Variants in WNK2 observed in about 807,000 individuals in gnomAD.
WNK2 encodes the protein WNK lysine deficient protein kinase 2.
Under a neutral mutation model 192.1 loss-of-function variants are expected in WNK2, and 67 were observed. The ratio of observed to expected loss-of-function variants is 0.35; its 90% CI spans 0.29 to 0.43. The LOEUF (loss-of-function observed/expected upper bound fraction) is 0.43, where lower values mean the gene tolerates loss of function less well. Among genes scored for constraint, WNK2 ranks in the 20% least tolerant of loss-of-function variants. WNK2 has a pLI of 1.00. For synonymous variants in WNK2, 1,439 were observed against 1,393.9 expected (o/e 1.03, Z -0.72); for missense variants, 2,698 against 3,089.7 (o/e 0.87, Z 3.01).
chr9:93,318,410 T>G lies in WNK2; in HGVS notation c.6628+779T>G, dbSNP rs766468316. On this transcript the variant is annotated intron_variant, in intron 29 of 29. Transcript: ENST00000427277. ...CGGTTCCCTGGGCTCATCCAGGGGC[T>G]GAGAGACGGCGGGACGCTGGGGCAG... 1.1e-5 allele frequency: 17 copies of G among 1,614,102 alleles called. No homozygotes were observed. In the South Asian group the frequency reaches 1.9e-4, roughly 18 times the overall value.
chr9:93,303,974 G>A (rs774775090), intron 26 of WNK2, among the ~76,000 whole-genome samples: 4 of 152,190 alleles, frequency 2.6e-5, no homozygotes, highest in Non-Finnish European at 4.4e-5. Context: ...GAAGTTGTGG[G>A]GGACTGAGGT....
intron 19 of WNK2, among the ~76,000 whole-genome samples, chr9:93,270,735 C>G (rs923676255): frequency 6.6e-5 from 10 of 152,228 alleles, no homozygotes; most frequent in Non-Finnish European, 1.0e-4. Flanking sequence ...CACCCCCCTT[C>G]TCTTGCACCA....
chr9:93,229,699 C>T lies in WNK2; in HGVS notation c.685C>T (p.Arg229Trp), dbSNP rs1468687200. ...TAGCATGTCTCTTGCCCTGTAGGAC[C>T]GGAAGCTCACCAAGCTGGAGCGGCA... ...VEVAWCELQD[R>W]KLTKLERQRF... The change falls in exon 3 of 30, where the codon CGG becomes TGG. Residue 229 changes from arginine to tryptophan, a missense_variant. Around this residue, in one of 7 missense-constraint regions of WNK2, gnomAD observed 230 missense variants for 501.1 expected, o/e 0.46. Coordinates refer to ENST00000427277, the MANE Select transcript of WNK2 (RefSeq NM_006648.4). The surrounding 1 kb of genome is among the most constrained non-coding windows in gnomAD (Gnocchi z 4.9). The T allele has an allele frequency of 2.5e-6, 4 of 1,612,538 alleles. No homozygotes were observed. The highest frequency in any genetic ancestry group is 2.2e-5 in the East Asian group (1 of 44,830).
At chr9:93,308,038 G>A in intron 27 of WNK2, 1 of 478,230 alleles carries the variant, frequency 2.1e-6, no homozygotes, top group Non-Finnish European at 3.7e-6. Context: ...GGGCAGCGGT[G>A]GGCACAGAGT....
At chr9:93,317,443 C>A in intron 28 of WNK2, 77 bp from the exon 29 acceptor site, 2 of 1,443,684 alleles carry the variant, frequency 1.4e-6, no homozygotes, top group Non-Finnish European at 1.9e-6. Context: ...GAAACTGTGG[C>A]ACCCTGGGGG....
chr9:93,261,845 T>C lies in WNK2; in HGVS notation c.3098T>C (p.Val1033Ala). 1 of 1,597,788 alleles carries C rather than the reference T, an allele frequency of 6.3e-7. No homozygotes were observed. Among genetic ancestry groups the C allele is most frequent in the Non-Finnish European group, 8.5e-7 (1 of 1,178,518 alleles). ...CTTGGCCACCCAGCTCCCTATGCTG[T>C]GGACGTCGCCGCTCAGGTCCCCACC... ...ILLGHPAPYAVDVAAQVPTVP... is the reference protein window; with the variant it reads ...ILLGHPAPYAADVAAQVPTVP... Residue 1033 changes from valine (V) to alanine (A), a missense_variant, in exon 13 of 30, where the codon GTG (valine) becomes GCG (alanine). By Grantham distance (64) the Val-to-Ala change is moderately conservative. Around this residue, in one of 7 missense-constraint regions of WNK2, gnomAD observed 893 missense variants for 909.0 expected, o/e 0.98. Transcript: ENST00000427277.
rs764191432 is a variant in WNK2, at chr9:93,259,289, C to T, written c.2741C>T (p.Ala914Val). ...CTCCCAGGCCAACCTGTGTACCCAG[C>T]GGCCTTCCCACAGATGGCGCCTACT... The part of the protein sequence containing the change: ...AQLPGQPVYP[A>V]AFPQMAPTDV... The change falls in exon 12 of 30, where the codon GCG becomes GTG. Residue 914 changes from alanine (A) to valine (V), a missense_variant. Coordinates refer to ENST00000427277, the MANE Select transcript of WNK2 (RefSeq NM_006648.4). The surrounding 1 kb of genome is among the most constrained non-coding windows in gnomAD (Gnocchi z 4.8). 17 of 1,613,678 alleles carry T rather than the reference C, an allele frequency of 1.1e-5. No homozygotes were observed. The East Asian group carries it at 2.0e-4, about 19-fold the overall frequency.
intron 2 of WNK2, among the ~76,000 whole-genome samples, chr9:93,222,923 C>G (rs1163944879): frequency 6.6e-6 from 1 of 152,214 alleles, no homozygotes; most frequent in African/African-American, 2.4e-5. Context: ...CTCAGGTGAT[C>G]TGCCCGCGTC....
chr9:93,318,437 G>A (rs1372168422), intron 29 of WNK2: 2 of 1,614,136 alleles, frequency 1.2e-6, no homozygotes, highest in Non-Finnish European at 1.7e-6. Flanking sequence ...CTGGGGCAGG[G>A]CACACTGGCG....
chr9:93,258,195 C>T (rs1469793507), intron 11 of WNK2, among the ~76,000 whole-genome samples: 1 of 152,206 alleles, frequency 6.6e-6, no homozygotes, highest in East Asian at 1.9e-4. Flanking sequence ...GTGACACACA[C>T]CAGCATGCAC....
Position 93,253,119 on chromosome 9 carries a change from C to T in WNK2, c.2034+37C>T, listed in dbSNP as rs911548948. The T allele has an allele frequency of 3.7e-6, 5 of 1,353,706 alleles. No homozygotes were observed. In the African/African-American group the frequency reaches 6.0e-5, roughly 16 times the overall value. 83.9% of individuals were successfully genotyped at this position (1,353,706 alleles called of 1,614,324 possible). On this transcript the variant is annotated intron_variant, in intron 9 of 29. Transcript: ENST00000427277. Reference sequence around the variant, plus strand: ...CATCACTCCCACCCCCTTCCCCATCCCCATTACCTGGTCTGAGGGCCCTGA... The same window carrying T: ...CATCACTCCCACCCCCTTCCCCATCTCCATTACCTGGTCTGAGGGCCCTGA...
intron 5 of WNK2, among the ~76,000 whole-genome samples, chr9:93,237,772 C>G (rs1196422657): frequency 6.6e-6 from 1 of 152,206 alleles, no homozygotes; most frequent in African/African-American, 2.4e-5. Context: ...TCACCCGGCC[C>G]TGTGGCATTG....
At chr9:93,287,450 T>A (rs2133761368) in intron 19 of WNK2, among the ~76,000 whole-genome samples, 1 of 152,294 alleles carries the variant, frequency 6.6e-6, no homozygotes, top group Non-Finnish European at 1.5e-5. Context: ...CATGGTGCAG[T>A]TGTGCAAACA....
intron 26 of WNK2, among the ~76,000 whole-genome samples, chr9:93,300,618 C>T (rs940288386): frequency 2.6e-5 from 4 of 152,116 alleles, no homozygotes; most frequent in East Asian, 1.9e-4. Context: ...GTGTGTGTCA[C>T]GCGTGTCTGG....
At chr9:93,224,468 T>A (rs576000769) in intron 2 of WNK2, among the ~76,000 whole-genome samples, 7 of 152,280 alleles carry the variant, frequency 4.6e-5, no homozygotes, top group Admixed American at 4.6e-4. Context: ...CCAGGTGTCC[T>A]GGGGGTGCTG....
rs559169199 is a variant in WNK2, at chr9:93,247,801, C to T, written c.1801C>T (p.Pro601Ser). ...EPEADQHLLPPTLPTSATSLA... is the reference protein window; with the variant it reads ...EPEADQHLLPSTLPTSATSLA... Reference sequence around the variant, plus strand: ...GGAGGCCGACCAGCACCTCCTGCCACCTACGTTGCCGACCAGCGCCACCTC... The same window carrying T: ...GGAGGCCGACCAGCACCTCCTGCCATCTACGTTGCCGACCAGCGCCACCTC... Residue 601 changes from proline to serine, a missense_variant, in exon 8 of 30, where the codon CCT becomes TCT. Pro to Ser is a moderately conservative substitution (Grantham distance 74). This residue lies in a region of WNK2 where 893 missense variants were observed against 909.0 expected (regional missense o/e 0.98). Transcript: ENST00000427277. The surrounding 1 kb of genome is among the most constrained non-coding windows in gnomAD (Gnocchi z 5.2). 58 of 1,543,456 alleles carry T rather than the reference C, an allele frequency of 3.8e-5. 1 individual carries two copies. In the South Asian group the frequency reaches 5.5e-4, roughly 15 times the overall value.
At chr9:93,186,485 G>A (rs1314989836) in intron 2 of WNK2, among the ~76,000 whole-genome samples, 1 of 152,168 alleles carries the variant, frequency 6.6e-6, no homozygotes, top group Admixed American at 6.5e-5. Context: ...CCTTGGAGGT[G>A]GGCAGCTGTC....
intron 7 of WNK2, among the ~76,000 whole-genome samples, chr9:93,243,661 T>G (rs1841170096): frequency 6.6e-6 from 1 of 152,174 alleles, no homozygotes; most frequent in Non-Finnish European, 1.5e-5. Flanking sequence ...TACTCCTACC[T>G]TGGGGCTCAC....
chr9:93,218,022 G>C (rs371325267), intron 2 of WNK2, among the ~76,000 whole-genome samples: 2 of 139,516 alleles, frequency 1.4e-5, no homozygotes, highest in Non-Finnish European at 3.1e-5. Flanking sequence ...ATTTCCCTAC[G>C]TTGGGGGGGT....
Sources: allele counts gnomAD v4.1 joint callset (sites outside exome capture counted in the v4.1 genomes callset), GRCh38; gene constraint gnomAD v4.1.1; regional missense constraint gnomAD v4.1.1; non-coding constraint Gnocchi (gnomAD v3.1); transcripts MANE v1.5; gene names NCBI Gene and HGNC (gene_info 2026-07-23, HGNC 2026-07-21).